COMMD10: variants seen among roughly 807,000 people sequenced by gnomAD.
COMMD10 encodes the protein COMM domain-containing protein 10.
A neutral mutation model predicts 28.9 loss-of-function variants in COMMD10; 33 were observed. The observed-to-expected ratio is 1.14, with a 90% CI of 0.87 to 1.53. The LOEUF is 1.53. Among genes scored for constraint, COMMD10 ranks in the 40% most tolerant of loss-of-function variants. COMMD10 has a pLI of 0.00. For missense variants in COMMD10, 310 were observed against 233.4 expected (o/e 1.33, Z -2.14); for synonymous variants, 110 against 81.7 (o/e 1.35, Z -1.87).
intron 5 of COMMD10, among the ~76,000 whole-genome samples, chr5:116,200,465 C>T (rs1271462945): frequency 6.6e-6 from 1 of 151,972 alleles, no homozygotes; most frequent in African/African-American, 2.4e-5. Flanking sequence ...GGTTTCGTAT[C>T]TGACATTAAT....
At chr5:116,140,766 A>G (rs2112781169) in intron 5 of COMMD10, among the ~76,000 whole-genome samples, 1 of 151,784 alleles carries the variant, frequency 6.6e-6, no homozygotes, top group East Asian at 1.9e-4. Context: ...TTTAAAATCA[A>G]TTAATCTTAG....
At chr5:116,171,097 C>T (rs942840120) in intron 5 of COMMD10, among the ~76,000 whole-genome samples, 1 of 151,996 alleles carries the variant, frequency 6.6e-6, no homozygotes, top group African/African-American at 2.4e-5. Flanking sequence ...TGAGAAAGGT[C>T]TAATATCCAG....
chr5:116,123,956 C>A (rs1236078135), intron 4 of COMMD10, among the ~76,000 whole-genome samples: 10 of 151,650 alleles, frequency 6.6e-5, no homozygotes, highest in Non-Finnish European at 1.2e-4. Flanking sequence ...ATTCTTCTCG[C>A]TTTTCTTCTT....
chr5:116,231,330 C>T (rs981922447), intron 5 of COMMD10, among the ~76,000 whole-genome samples: 1 of 151,962 alleles, frequency 6.6e-6, no homozygotes, highest in Non-Finnish European at 1.5e-5. Flanking sequence ...AGAGTACATT[C>T]TGACTGATTC....
intron 5 of COMMD10, among the ~76,000 whole-genome samples, chr5:116,152,498 T>C (rs1752563779): frequency 6.6e-6 from 1 of 152,124 alleles, no homozygotes; most frequent in Admixed American, 6.6e-5. Flanking sequence ...TGTATTTACT[T>C]AGTAGCTTTC....
intron 4 of COMMD10, among the ~76,000 whole-genome samples, chr5:116,103,326 C>T (rs1750727458): frequency 6.6e-6 from 1 of 152,190 alleles, no homozygotes; most frequent in South Asian, 2.1e-4. Context: ...TCCTCTTCAG[C>T]ATCTGTTGTT....
At chr5:116,125,361 A>T (rs1751588430) in intron 4 of COMMD10, among the ~76,000 whole-genome samples, 2 of 152,176 alleles carry the variant, frequency 1.3e-5, no homozygotes, top group South Asian at 4.1e-4. Flanking sequence ...TTTCTTTAAG[A>T]ATGTTGAACA....
Position 116,112,309 on chromosome 5 carries a change from TA to T in COMMD10, c.399+19610del, listed in dbSNP as rs1414852900. 2.0e-5 allele frequency among the ~76,000 whole-genome samples: 3 copies of T among 152,356 alleles called. No individual in the cohort carries two copies. The East Asian group carries it at 5.8e-4, about 29-fold the overall frequency. On this transcript the variant is annotated intron_variant, in intron 4 of 6. Coordinates refer to ENST00000274458, the MANE Select transcript of COMMD10 (RefSeq NM_016144.4). ...GCTTTAGATTTTCGTTGGCCCATAATATCAATCAATATCTTTTTCCACCCCT... is the reference window on the plus strand; with the variant it reads ...GCTTTAGATTTTCGTTGGCCCATAATTCAATCAATATCTTTTTCCACCCCT...
chr5:116,153,318 C>G (rs1275874796), intron 5 of COMMD10, among the ~76,000 whole-genome samples: 1 of 151,782 alleles, frequency 6.6e-6, no homozygotes, highest in Non-Finnish European at 1.5e-5. Context: ...CATTTGGAGG[C>G]TGAGGGGGCA....
chr5:116,244,849 A>G (rs1204313022), intron 5 of COMMD10, among the ~76,000 whole-genome samples: 9 of 151,978 alleles, frequency 5.9e-5, no homozygotes, highest in Admixed American at 5.9e-4. Context: ...AGGGAAATGT[A>G]TAGCACTGAA....
intron 5 of COMMD10, among the ~76,000 whole-genome samples, chr5:116,242,288 A>G (rs1353601458): frequency 6.6e-6 from 1 of 152,236 alleles, no homozygotes; most frequent in Non-Finnish European, 1.5e-5. Context: ...GCCTATTAGT[A>G]TGATGATATG....
intron 5 of COMMD10, among the ~76,000 whole-genome samples, chr5:116,202,107 A>T (rs545077337): frequency 1.4e-5 from 2 of 140,350 alleles, no homozygotes; most frequent in Non-Finnish European, 3.0e-5. Context: ...TCATTGTTCA[A>T]TTCCCACCTA....
At chr5:116,145,807 C>A (rs1345681438) in intron 5 of COMMD10, among the ~76,000 whole-genome samples, 1 of 151,904 alleles carries the variant, frequency 6.6e-6, no homozygotes, top group African/African-American at 2.4e-5. Flanking sequence ...TTGCTCAGCA[C>A]TTCTCCTTCC....
chr5:116,278,584 G>A (rs770596793), intron 5 of COMMD10, among the ~76,000 whole-genome samples: 4 of 151,790 alleles, frequency 2.6e-5, no homozygotes, highest in Admixed American at 6.6e-5. Context: ...TGACCTAATA[G>A]CCAAAATGAA....
chr5:116,173,275 C>G (rs1466104080), intron 5 of COMMD10, among the ~76,000 whole-genome samples: 1 of 152,094 alleles, frequency 6.6e-6, no homozygotes, highest in Non-Finnish European at 1.5e-5. Flanking sequence ...TATACTTCCT[C>G]TAGCAGTGAT....
At chr5:116,113,447 T>G (rs1263360250) in intron 4 of COMMD10, among the ~76,000 whole-genome samples, 2 of 149,386 alleles carry the variant, frequency 1.3e-5, no homozygotes, top group Non-Finnish European at 3.0e-5. Context: ...ATAAGTTCAA[T>G]GCTGTATGCA....
chr5:116,134,398 A>T (rs1321467442), intron 5 of COMMD10, among the ~76,000 whole-genome samples: 1 of 152,190 alleles, frequency 6.6e-6, no homozygotes, highest in Non-Finnish European at 1.5e-5. Flanking sequence ...CAGTGAAAAA[A>T]AATTGTTGAA....
intron 5 of COMMD10, among the ~76,000 whole-genome samples, chr5:116,139,178 A>G (rs1752120583): frequency 6.6e-6 from 1 of 151,784 alleles, no homozygotes; most frequent in Non-Finnish European, 1.5e-5. Context: ...AAGGTTGTTC[A>G]TAGGATTATC....
At chr5:116,115,334 T>C (rs576001909) in intron 4 of COMMD10, among the ~76,000 whole-genome samples, 3 of 152,280 alleles carry the variant, frequency 2.0e-5, no homozygotes, top group South Asian at 4.1e-4. Flanking sequence ...AGACTCCCTT[T>C]TGGTTGCCAG....
Sources: allele counts gnomAD v4.1 joint callset (sites outside exome capture counted in the v4.1 genomes callset), GRCh38; gene constraint gnomAD v4.1.1; transcripts MANE v1.5; gene names NCBI Gene and HGNC (gene_info 2026-07-23, HGNC 2026-07-21).